The following CEP170 variants were observed in gnomAD, a reference collection of about 807,000 sequenced individuals.
CEP170 encodes the protein centrosomal protein of 170 kDa.
In CEP170, 21 loss-of-function variants were observed where a neutral mutation model predicts 151.9. The observed-to-expected ratio is 0.14, with a 90% CI of 0.10 to 0.20. The LOEUF is 0.20. Ranked by LOEUF, CEP170 falls within the 10% of genes least tolerant of loss-of-function variation. CEP170 has a pLI of 1.00. For missense variants in CEP170, 964 were observed against 1,892.9 expected (o/e 0.51, Z 9.11); for synonymous variants, 356 against 648.8 (o/e 0.55, Z 6.86).
rs553479285 is a variant in CEP170 at position 243,185,098 on chromosome 1, T to C, written c.1566+681A>G. Among the ~76,000 whole-genome samples the C allele has an allele frequency of 7.2e-5, 11 of 152,324 alleles. No homozygotes were observed. The highest frequency in any genetic ancestry group is 2.0e-4 in the Admixed American group (3 of 15,292). On this transcript the variant is annotated intron_variant, in intron 10 of 19. Coordinates refer to ENST00000366542, the MANE Select transcript of CEP170 (RefSeq NM_014812.3). The surrounding 1 kb of genome is among the most constrained non-coding windows in gnomAD (Gnocchi z 4.9). ...TTCTAAAGTCAACCTTTCACGACCATTGGCAAAACTGAGAAAAATTGCTTT... is the reference window on the plus strand; with the variant it reads ...TTCTAAAGTCAACCTTTCACGACCACTGGCAAAACTGAGAAAAATTGCTTT...
intron 17 of CEP170, among the ~76,000 whole-genome samples, chr1:243,131,970 G>A (rs1487176088): frequency 6.6e-6 from 1 of 152,156 alleles, no homozygotes; most frequent in African/African-American, 2.4e-5. Flanking sequence ...GCGGAGTTGC[G>A]AATTGAGAGT....
At chr1:243,231,213 T>G (rs2063733049) in intron 1 of CEP170, among the ~76,000 whole-genome samples, 1 of 151,350 alleles carries the variant, frequency 6.6e-6, no homozygotes, top group Non-Finnish European at 1.5e-5. Context: ...ATTATCATCA[T>G]TATTATTTTT....
intron 4 of CEP170, chr1:243,211,455 C>T (rs184545260): frequency 2.2e-4 from 35 of 158,468 alleles, no homozygotes; most frequent in African/African-American, 7.9e-4. Flanking sequence ...AAACAGTTAA[C>T]GGGAGGGATG....
rs765975439 is a variant in CEP170 at position 243,165,857 on chromosome 1, C to T, written c.2103G>A (p.Met701Ile). 5 of 1,613,848 alleles carry T rather than the reference C, an allele frequency of 3.1e-6. No homozygotes were observed. The highest frequency in any genetic ancestry group is 4.2e-6 in the Non-Finnish European group (5 of 1,179,866). The change falls in exon 13 of 20, where the codon ATG becomes ATA. Residue 701 changes from methionine (M) to isoleucine (I), a missense_variant. By Grantham distance (10) the Met-to-Ile change is conservative. Transcript: ENST00000366542. Reference sequence around the variant, plus strand: ...GAGTCTCTCCATTTACTGCCCTGTTCATTTTACTCAAGGGTCTGTCAGCAT... The same window carrying T: ...GAGTCTCTCCATTTACTGCCCTGTTTATTTTACTCAAGGGTCTGTCAGCAT... ...KQDADRPLSKMNRAVNGETLK... is the reference protein window; with the variant it reads ...KQDADRPLSKINRAVNGETLK...
At chr1:243,172,027 G>C (rs574445165) in intron 11 of CEP170, among the ~76,000 whole-genome samples, 80 of 152,300 alleles carry the variant, frequency 5.3e-4, no homozygotes, top group African/African-American at 1.8e-3. Context: ...CTATCAGGCA[G>C]TGCCCTCGTA....
At chr1:243,132,695 C>A (rs887765848) in intron 17 of CEP170, among the ~76,000 whole-genome samples, 1 of 152,058 alleles carries the variant, frequency 6.6e-6, no homozygotes, top group Non-Finnish European at 1.5e-5. Flanking sequence ...GTCAAAGCTA[C>A]AAAAAATATT....
chr1:243,141,853 T>A (rs977944198), intron 15 of CEP170, among the ~76,000 whole-genome samples: 4 of 152,240 alleles, frequency 2.6e-5, no homozygotes, highest in Admixed American at 2.6e-4. Flanking sequence ...TGTGTATGTG[T>A]TTGTATTTAT....
intron 1 of CEP170, among the ~76,000 whole-genome samples, chr1:243,245,700 C>A (rs2065311496): frequency 6.6e-6 from 1 of 151,278 alleles, no homozygotes; most frequent in Non-Finnish European, 1.5e-5. Context: ...GGCGACAGAG[C>A]AAGACTCCAT....
chr1:243,241,198 C>G (rs1448563162), intron 1 of CEP170, among the ~76,000 whole-genome samples: 1 of 152,126 alleles, frequency 6.6e-6, no homozygotes, highest in Non-Finnish European at 1.5e-5. Flanking sequence ...CTAAGGAATA[C>G]GAATATTTTG....
chr1:243,162,858 A>C (rs1395843237), intron 13 of CEP170, among the ~76,000 whole-genome samples: 1 of 152,276 alleles, frequency 6.6e-6, no homozygotes, highest in Non-Finnish European at 1.5e-5. Flanking sequence ...AACCAAAAAC[A>C]GAATGAAAAT....
intron 16 of CEP170, among the ~76,000 whole-genome samples, chr1:243,137,568 A>T (rs1438620630): frequency 1.3e-5 from 2 of 152,094 alleles, no homozygotes; most frequent in African/African-American, 4.8e-5. Context: ...CGAGGTCAGG[A>T]GATCGAGACC....
intron 3 of CEP170, among the ~76,000 whole-genome samples, chr1:243,213,978 T>A (rs1467881570): frequency 1.3e-5 from 2 of 152,352 alleles, no homozygotes; most frequent in African/African-American, 4.8e-5. Flanking sequence ...CCCAAAGTGC[T>A]GGGATTACAG....
chr1:243,140,019 C>A lies in CEP170; in HGVS notation c.4148G>T (p.Arg1383Leu). ...TGCTTGAGGTCTTGGATCACCAGATCGACCGTTGTTTCCTTCTGGTGTTTT... is the reference window on the plus strand; with the variant it reads ...TGCTTGAGGTCTTGGATCACCAGATAGACCGTTGTTTCCTTCTGGTGTTTT... ...HSKTPEGNNG[R>L]SGDPRPQAAE... Residue 1383 changes from arginine (R) to leucine (L), a missense_variant, in exon 16 of 20, where the codon CGA (arginine) becomes CTA (leucine). Physicochemically the swap from Arg to Leu is moderately radical, Grantham distance 102. Transcript: ENST00000366542. 1 of 1,613,938 alleles carries A rather than the reference C, an allele frequency of 6.2e-7. No individual in the cohort carries two copies. Among genetic ancestry groups the A allele is most frequent in the Non-Finnish European group, 8.5e-7 (1 of 1,179,842 alleles).
chr1:243,209,422 A>C (rs1473504240), intron 4 of CEP170, among the ~76,000 whole-genome samples: 1 of 151,884 alleles, frequency 6.6e-6, no homozygotes, highest in African/African-American at 2.4e-5. Context: ...CCTGACCTCA[A>C]CTGATCTGCC....
chr1:243,144,785 A>G (rs990833068), intron 14 of CEP170, among the ~76,000 whole-genome samples: 9 of 152,172 alleles, frequency 5.9e-5, no homozygotes, highest in Non-Finnish European at 1.2e-4. Context: ...AACCTAATAG[A>G]TATTTTCACA....
At chr1:243,246,075 G>A (rs186917933) in intron 1 of CEP170, among the ~76,000 whole-genome samples, 1 of 152,108 alleles carries the variant, frequency 6.6e-6, no homozygotes, top group Non-Finnish European at 1.5e-5. Context: ...ACTGGAGGGG[G>A]TAATTTTATT....
chr1:243,219,242 T>C (rs958392076), intron 3 of CEP170, among the ~76,000 whole-genome samples: 1 of 152,368 alleles, frequency 6.6e-6, no homozygotes, highest in African/African-American at 2.4e-5. Context: ...AATTATTTCA[T>C]CATTTAATAG....
intron 1 of CEP170, among the ~76,000 whole-genome samples, chr1:243,225,579 T>C (rs11805599): frequency 0.058 from 8,844 of 152,214 alleles, 837 homozygotes; most frequent in African/African-American, 0.2. Flanking sequence ...CAAACTTTTA[T>C]AGTTTTCATA....
intron 16 of CEP170, 158 bp from the exon 17 acceptor site, chr1:243,136,389 A>T: frequency 9.3e-7 from 1 of 1,073,296 alleles, no homozygotes. Context: ...ATGTAACTAA[A>T]ATGAGAAAGT....
Sources: gnomAD v4.1 joint callset for allele counts (sites outside exome capture counted in the v4.1 genomes callset) on GRCh38, gnomAD v4.1.1 for gene constraint, Gnocchi (gnomAD v3.1) non-coding constraint, MANE v1.5 for transcripts, NCBI Gene and HGNC (gene_info 2026-07-23, HGNC 2026-07-21) for gene names.